The following RHBDD1 variants were observed in gnomAD, a reference collection of about 807,000 sequenced individuals.
The protein encoded by RHBDD1 is rhomboid-related protein 4.
A neutral mutation model predicts 36.3 loss-of-function variants in RHBDD1; 38 were observed. The observed-to-expected ratio is 1.05, with a 90% CI of 0.81 to 1.37. The LOEUF (loss-of-function observed/expected upper bound fraction) is 1.37. Ranked by LOEUF, RHBDD1 falls within the 40% of genes most tolerant of loss-of-function variation. The pLI is 0.00. For missense variants in RHBDD1, 393 were observed against 377.6 expected (o/e 1.04, Z -0.34); for synonymous variants, 151 against 136.5 (o/e 1.11, Z -0.74).
chr2:226,960,886 A>G (rs1952146683), intron 8 of RHBDD1, among the ~76,000 whole-genome samples: 1 of 152,180 alleles, frequency 6.6e-6, no homozygotes, highest in Non-Finnish European at 1.5e-5. Flanking sequence ...ACAACAAAAA[A>G]ATTCTCCTTT....
chr2:226,906,369 C>T (rs551624755), intron 5 of RHBDD1, among the ~76,000 whole-genome samples: 5 of 152,188 alleles, frequency 3.3e-5, no homozygotes, highest in African/African-American at 1.2e-4. Flanking sequence ...AGCAGTCTGC[C>T]CTGCCATAAC....
At chr2:226,945,479 A>G (rs904165185) in intron 8 of RHBDD1, among the ~76,000 whole-genome samples, 1 of 152,100 alleles carries the variant, frequency 6.6e-6, no homozygotes, top group Non-Finnish European at 1.5e-5. Flanking sequence ...TCCCTGCAAC[A>G]GACATGAACT....
intron 8 of RHBDD1, among the ~76,000 whole-genome samples, chr2:226,924,876 A>C (rs1440061871): frequency 6.6e-6 from 1 of 152,212 alleles, no homozygotes; most frequent in East Asian, 1.9e-4. Flanking sequence ...GGGATGGATG[A>C]GGAGTGGCAT....
chr2:226,836,790 T>G (rs565680407), intron 1 of RHBDD1, among the ~76,000 whole-genome samples: 1 of 152,362 alleles, frequency 6.6e-6, no homozygotes, highest in Admixed American at 6.5e-5. Context: ...TGAAATTGCT[T>G]ATTAGAAGGC....
In RHBDD1 at chr2:226,914,333, G is replaced by A. The variant is rs1948741043; in HGVS notation, c.838G>A (p.Ala280Thr). The A allele has an allele frequency of 6.2e-7, 1 of 1,613,330 alleles. No homozygotes were observed. Residue 280 changes from alanine to threonine, a missense_variant, in exon 8 of 9, where the codon GCC becomes ACC. Coordinates refer to ENST00000392062, the MANE Select transcript of RHBDD1 (RefSeq NM_001167608.3). ...EEEQLERALQ[A>T]SLWDRGNTRN... Reference sequence around the variant, plus strand: ...AGAACAGCTCGAGAGAGCATTACAAGCCAGCCTCTGGGACCGAGGTAGGAG... The same window carrying A: ...AGAACAGCTCGAGAGAGCATTACAAACCAGCCTCTGGGACCGAGGTAGGAG...
At chr2:226,989,367 G>C (rs1386993779) in intron 8 of RHBDD1, among the ~76,000 whole-genome samples, 1 of 152,156 alleles carries the variant, frequency 6.6e-6, no homozygotes, top group Non-Finnish European at 1.5e-5. Flanking sequence ...AGGATCATGG[G>C]TACTGTTGGG....
At chr2:226,992,010 A>G (rs1443905172) in intron 8 of RHBDD1, among the ~76,000 whole-genome samples, 3 of 152,236 alleles carry the variant, frequency 2.0e-5, no homozygotes, top group Non-Finnish European at 4.4e-5. Flanking sequence ...GCTTGTCCAG[A>G]TTCTTTCCTG....
upstream of RHBDD1, among the ~76,000 whole-genome samples, chr2:226,834,378 T>C (rs1256803031): frequency 3.9e-5 from 6 of 152,238 alleles, no homozygotes; most frequent in Non-Finnish European, 7.3e-5. Context: ...TGACTTTTCA[T>C]GTCCAGAAAT....
At chr2:226,882,573 C>G (rs1945856496) in intron 5 of RHBDD1, among the ~76,000 whole-genome samples, 1 of 150,500 alleles carries the variant, frequency 6.6e-6, no homozygotes, top group African/African-American at 2.5e-5. Flanking sequence ...TTAAACTGGA[C>G]TTAGATTGGC....
intron 8 of RHBDD1, among the ~76,000 whole-genome samples, chr2:226,949,531 A>G (rs1311149995): frequency 3.3e-5 from 5 of 152,292 alleles, no homozygotes; most frequent in South Asian, 4.1e-4. Context: ...AGTCAGTTTC[A>G]TTTCACAGTC....
At chr2:226,973,434 T>C (rs910635563) in intron 8 of RHBDD1, among the ~76,000 whole-genome samples, 8 of 152,220 alleles carry the variant, frequency 5.3e-5, no homozygotes, top group Admixed American at 2.6e-4. Context: ...TGCCTGTTCC[T>C]TTTTCCACTC....
chr2:226,812,596 G>C, the RHBDD1 span, among the ~76,000 whole-genome samples: 2 of 152,068 alleles, frequency 1.3e-5, no homozygotes, highest in African/African-American at 4.8e-5. Flanking sequence ...TCCCCATGGT[G>C]GGGGGAAAAG....
upstream of RHBDD1, among the ~76,000 whole-genome samples, chr2:226,833,242 T>G (rs1444447227): frequency 6.6e-6 from 1 of 152,212 alleles, no homozygotes; most frequent in Non-Finnish European, 1.5e-5. Context: ...TTTGGTACAG[T>G]TTTGGGTAAA....
At chr2:226,923,701 C>T (rs973289782) in intron 8 of RHBDD1, among the ~76,000 whole-genome samples, 5 of 151,992 alleles carry the variant, frequency 3.3e-5, no homozygotes, top group Admixed American at 2.6e-4. Flanking sequence ...AGGTGTGCTT[C>T]ATTCCTTTTG....
At chr2:226,965,550 C>T (rs1477286124) in intron 8 of RHBDD1, among the ~76,000 whole-genome samples, 2 of 152,146 alleles carry the variant, frequency 1.3e-5, no homozygotes, top group Non-Finnish European at 2.9e-5. Context: ...AGCTTCTGGA[C>T]ACATTTTGCA....
chr2:226,975,158 A>G (rs1399622700), intron 8 of RHBDD1, among the ~76,000 whole-genome samples: 2 of 152,222 alleles, frequency 1.3e-5, no homozygotes, highest in Admixed American at 6.5e-5. Context: ...CCAAGATTTA[A>G]TATGGTGCCC....
At chr2:226,975,377 A>G (rs1954386075) in intron 8 of RHBDD1, among the ~76,000 whole-genome samples, 1 of 152,210 alleles carries the variant, frequency 6.6e-6, no homozygotes, top group Admixed American at 6.5e-5. Context: ...TTAGACCTCA[A>G]TAAAGCTGGA....
At chr2:226,843,047 G>C (rs1941842615) in intron 3 of RHBDD1, among the ~76,000 whole-genome samples, 1 of 152,090 alleles carries the variant, frequency 6.6e-6, no homozygotes, top group Non-Finnish European at 1.5e-5. Flanking sequence ...GTGAATGGGA[G>C]TTCATTTATG....
the RHBDD1 span, chr2:226,804,583 A>G: frequency 1.3e-5 from 2 of 152,180 alleles, no homozygotes; most frequent in East Asian, 3.9e-4. Flanking sequence ...TCTCATCTTG[A>G]TTTCATCCCT....
Sources: gnomAD v4.1 joint callset for allele counts (sites outside exome capture counted in the v4.1 genomes callset) on GRCh38, gnomAD v4.1.1 for gene constraint, MANE v1.5 for transcripts, NCBI Gene and HGNC (gene_info 2026-07-23, HGNC 2026-07-21) for gene names.